Variants in ADAMTS12 observed in about 807,000 individuals in gnomAD.
ADAMTS12 encodes the protein A disintegrin and metalloproteinase with thrombospondin motifs 12.
Under a neutral mutation model 167.8 loss-of-function variants are expected in ADAMTS12, and 118 were observed. The observed-to-expected ratio is 0.70, with a 90% CI of 0.61 to 0.82. The LOEUF is 0.82. Ranked by LOEUF, ADAMTS12 falls within the 40% of genes least tolerant of loss-of-function variation. The probability of loss-of-function intolerance (pLI) is 0.00; values close to 1 mark genes in which losing one functional copy is unlikely to be tolerated. For synonymous variants in ADAMTS12, 704 were observed against 716.9 expected (o/e 0.98, Z 0.29); for missense variants, 1,916 against 1,998.8 (o/e 0.96, Z 0.79).
At chr5:33,619,744 G>C (rs1318813689) in intron 14 of ADAMTS12, among the ~76,000 whole-genome samples, 1 of 152,022 alleles carries the variant, frequency 6.6e-6, no homozygotes, top group Non-Finnish European at 1.5e-5. Context: ...CACCAGGCTG[G>C]AGTGCAGTGG....
At position 33,643,554 on chromosome 5, in the gene ADAMTS12, T is replaced by C. The variant is rs541872242; in HGVS notation, c.1480-84A>G. 14 of 1,168,966 alleles carry C rather than the reference T, an allele frequency of 1.2e-5. No homozygotes were observed. In the East Asian group the frequency reaches 3.4e-4, roughly 28 times the overall value. 72.4% of individuals were successfully genotyped at this position (1,168,966 alleles called of 1,614,324 possible). On this transcript the variant is annotated intron_variant, in intron 9 of 23. Coordinates refer to ENST00000504830, the MANE Select transcript of ADAMTS12 (RefSeq NM_030955.4). ...AGTTACAGTAAAATATGCACACTCA[T>C]CCACACACTCACAATAAATGCCACT...
chr5:33,838,946 G>A (rs1748636179), intron 2 of ADAMTS12, among the ~76,000 whole-genome samples: 1 of 150,920 alleles, frequency 6.6e-6, no homozygotes, highest in African/African-American at 2.4e-5. Context: ...CCTTCTGCTG[G>A]ATAAAAAACG....
At chr5:33,722,917 C>T (rs186906613) in intron 3 of ADAMTS12, among the ~76,000 whole-genome samples, 1 of 152,256 alleles carries the variant, frequency 6.6e-6, no homozygotes, top group African/African-American at 2.4e-5. Flanking sequence ...GAGGAAGTGC[C>T]TGATATACAG....
intron 3 of ADAMTS12, among the ~76,000 whole-genome samples, chr5:33,694,765 T>C (rs1367067581): frequency 6.6e-6 from 1 of 152,210 alleles, no homozygotes; most frequent in Non-Finnish European, 1.5e-5. Context: ...AGACTTGATA[T>C]GATAAAAAAG....
intron 2 of ADAMTS12, among the ~76,000 whole-genome samples, chr5:33,851,769 A>G (rs1749228345): frequency 6.6e-6 from 1 of 152,234 alleles, no homozygotes; most frequent in Admixed American, 6.5e-5. Context: ...TGTCTTTTTC[A>G]GTAAGCCTAG....
At chr5:33,841,003 C>A (rs1426075930) in intron 2 of ADAMTS12, among the ~76,000 whole-genome samples, 1 of 152,206 alleles carries the variant, frequency 6.6e-6, no homozygotes, top group Non-Finnish European at 1.5e-5. Flanking sequence ...CCACCCTTAG[C>A]TCTGCCATGT....
rs563669246 is a variant in ADAMTS12, at chr5:33,577,132, C to T, written c.2894G>A (p.Arg965Gln). The change falls in exon 19 of 24, where the codon CGG becomes CAG. Residue 965 changes from arginine to glutamine, a missense_variant. Coordinates refer to ENST00000504830, the MANE Select transcript of ADAMTS12 (RefSeq NM_030955.4). Reference protein sequence around the residue: ...ECSVSCGGGVRIRSVTCAKNH... With the variant: ...ECSVSCGGGVQIRSVTCAKNH... ...CTTGGCACATGTGACACTGCGAATCCGCACTCCACCACCACAGGAAACAGA... is the reference window on the plus strand; with the variant it reads ...CTTGGCACATGTGACACTGCGAATCTGCACTCCACCACCACAGGAAACAGA... 1.4e-5 allele frequency: 22 copies of T among 1,614,010 alleles called. No homozygotes were observed. Among genetic ancestry groups the T allele is most frequent in the East Asian group, 4.5e-5 (2 of 44,900 alleles).
chr5:33,615,462 T>C (rs1403893751), intron 15 of ADAMTS12, among the ~76,000 whole-genome samples: 1 of 152,206 alleles, frequency 6.6e-6, no homozygotes, highest in Admixed American at 6.5e-5. Context: ...GCCAAATGCT[T>C]TGCTTGAGGA....
chr5:33,714,788 T>C (rs1303640790), intron 3 of ADAMTS12, among the ~76,000 whole-genome samples: 1 of 151,806 alleles, frequency 6.6e-6, no homozygotes, highest in East Asian at 1.9e-4. Flanking sequence ...TTATCAGAGG[T>C]TGAAAGGGGC....
At position 33,641,855 on chromosome 5, in the gene ADAMTS12, C is replaced by T. The variant is rs761275721; in HGVS notation, c.1673G>A (p.Cys558Tyr). Reference protein sequence around the residue: ...WSPWSHCSRTCGAGVQSAERL... With the variant: ...WSPWSHCSRTYGAGVQSAERL... ...CTCTGCGCTCTGGACTCCAGCCCCACAGGTCCTGGAACAGTGGGACCAGGG... is the reference window on the plus strand; with the variant it reads ...CTCTGCGCTCTGGACTCCAGCCCCATAGGTCCTGGAACAGTGGGACCAGGG... Residue 558 changes from cysteine (C) to tyrosine (Y), a missense_variant, in exon 11 of 24, where the codon TGT (cysteine) becomes TAT (tyrosine). Cys to Tyr is a radical substitution (Grantham distance 194, BLOSUM62 -2). Coordinates refer to ENST00000504830, the MANE Select transcript of ADAMTS12 (RefSeq NM_030955.4). 1 of 1,613,612 alleles carries T rather than the reference C, an allele frequency of 6.2e-7. No individual in the cohort carries two copies. The highest frequency in any genetic ancestry group is 1.1e-5 in the South Asian group (1 of 91,024).
At chr5:33,590,229 A>T (rs1747563607) in intron 17 of ADAMTS12, among the ~76,000 whole-genome samples, 1 of 152,236 alleles carries the variant, frequency 6.6e-6, no homozygotes, top group Non-Finnish European at 1.5e-5. Context: ...TTTCAGCTGT[A>T]TTACTGCAAA....
At chr5:33,845,807 A>G (rs2591729) in intron 2 of ADAMTS12, among the ~76,000 whole-genome samples, 12,060 of 152,244 alleles carry the variant, frequency 0.079, 1,191 homozygotes, top group African/African-American at 0.22. Context: ...TCTGCCAAAG[A>G]TGCCATCTCT....
Position 33,577,126 on chromosome 5 carries a change from C to T in ADAMTS12, c.2900G>A (p.Arg967His), listed in dbSNP as rs766719558. Residue 967 changes from arginine (R) to histidine (H), a missense_variant, in exon 19 of 24, where the codon CGC becomes CAC. By Grantham distance (29) the Arg-to-His change is conservative. Coordinates refer to ENST00000504830, the MANE Select transcript of ADAMTS12 (RefSeq NM_030955.4). ...SVSCGGGVRI[R>H]SVTCAKNHDE... ...ATGGTTCTTGGCACATGTGACACTG[C>T]GAATCCGCACTCCACCACCACAGGA... The T allele has an allele frequency of 1.2e-5, 20 of 1,614,098 alleles. No individual in the cohort carries two copies. Among genetic ancestry groups the T allele is most frequent in the Admixed American group, 1.0e-4 (6 of 60,006 alleles).
intron 3 of ADAMTS12, among the ~76,000 whole-genome samples, chr5:33,724,612 C>A (rs981746508): frequency 4.0e-5 from 6 of 150,660 alleles, no homozygotes; most frequent in Admixed American, 2.0e-4. Context: ...ACTGCAGCGG[C>A]GCTATCTCGG....
intron 2 of ADAMTS12, among the ~76,000 whole-genome samples, chr5:33,867,196 C>G (rs945597052): frequency 6.6e-6 from 1 of 152,136 alleles, no homozygotes; most frequent in Non-Finnish European, 1.5e-5. Flanking sequence ...ATTGCAAAGA[C>G]ATGGAACCGA....
chr5:33,681,570 G>C (rs977370317), intron 5 of ADAMTS12, among the ~76,000 whole-genome samples: 1 of 152,214 alleles, frequency 6.6e-6, no homozygotes, highest in African/African-American at 2.4e-5. Flanking sequence ...CATTCTGGTA[G>C]AGGCTGTGAT....
intron 11 of ADAMTS12, among the ~76,000 whole-genome samples, chr5:33,639,577 G>A (rs3935844): frequency 0.56 from 84,532 of 151,966 alleles, 24,225 homozygotes; most frequent in Non-Finnish European, 0.62. Context: ...AGATGAAATC[G>A]TATTCCAGGG....
intron 3 of ADAMTS12, among the ~76,000 whole-genome samples, chr5:33,725,972 T>G (rs1196352399): frequency 6.6e-6 from 1 of 152,188 alleles, no homozygotes; most frequent in Non-Finnish European, 1.5e-5. Flanking sequence ...CATACATCCC[T>G]AACTCTTCTA....
chr5:33,718,382 T>C (rs1466391706), intron 3 of ADAMTS12, among the ~76,000 whole-genome samples: 1 of 152,182 alleles, frequency 6.6e-6, no homozygotes, highest in East Asian at 1.9e-4. Context: ...AAGTGGCAGA[T>C]GAGCAAGCAT....
Sources: gnomAD v4.1 joint callset for allele counts (sites outside exome capture counted in the v4.1 genomes callset) on GRCh38, gnomAD v4.1.1 for gene constraint, MANE v1.5 for transcripts, NCBI Gene and HGNC (gene_info 2026-07-23, HGNC 2026-07-21) for gene names.